The following ATP8A2 variants were observed in gnomAD, a reference collection of about 807,000 sequenced individuals.
The protein encoded by ATP8A2 is phospholipid-transporting ATPase IB.
In ATP8A2, 100 loss-of-function variants were observed where a neutral mutation model predicts 165.6. The ratio of observed to expected loss-of-function variants is 0.60; its 90% CI spans 0.51 to 0.71. The LOEUF (loss-of-function observed/expected upper bound fraction) is 0.71. ATP8A2 is among the 30% of genes least tolerant of loss of function. The probability of loss-of-function intolerance (pLI) is 0.00; values close to 1 mark genes in which losing one functional copy is unlikely to be tolerated. For missense variants in ATP8A2, 1,227 were observed against 1,479.5 expected (o/e 0.83, Z 2.80); for synonymous variants, 543 against 548.8 (o/e 0.99, Z 0.15).
intron 33 of ATP8A2, among the ~76,000 whole-genome samples, chr13:25,935,466 G>T (rs1318062578): frequency 6.6e-6 from 1 of 152,152 alleles, no homozygotes; most frequent in Non-Finnish European, 1.5e-5. Flanking sequence ...TGCTGTAAAG[G>T]AATACCTGAG....
intron 24 of ATP8A2, among the ~76,000 whole-genome samples, chr13:25,613,159 A>C (rs2040732414): frequency 6.6e-6 from 1 of 152,178 alleles, no homozygotes; most frequent in Admixed American, 6.5e-5. Flanking sequence ...TATTCTATTC[A>C]TCATGCTATT....
At chr13:25,764,953 G>T (rs1210209710) in intron 25 of ATP8A2, among the ~76,000 whole-genome samples, 1 of 152,122 alleles carries the variant, frequency 6.6e-6, no homozygotes, top group Non-Finnish European at 1.5e-5. Flanking sequence ...AGATGATATT[G>T]CAAGATCAGA....
At chr13:26,017,042 G>A (rs957400487) in intron 36 of ATP8A2, among the ~76,000 whole-genome samples, 2 of 152,170 alleles carry the variant, frequency 1.3e-5, no homozygotes, top group Non-Finnish European at 2.9e-5. Flanking sequence ...AGCCACTTGG[G>A]GCCACCAGAA....
intron 8 of ATP8A2, among the ~76,000 whole-genome samples, chr13:25,540,866 C>CT (rs553196713): frequency 0.043 from 6,128 of 143,264 alleles, 144 homozygotes; most frequent in Non-Finnish European, 0.053. Context: ...TTTTTTGGTT[C>CT]TTTTTTTTTT....
intron 26 of ATP8A2, among the ~76,000 whole-genome samples, chr13:25,772,333 T>G (rs572258398): frequency 6.6e-6 from 1 of 152,328 alleles, no homozygotes; most frequent in South Asian, 2.1e-4. Context: ...GTTGAGGCAT[T>G]CAGGATGACT....
chr13:25,508,437 A>AT (rs1717889442), intron 2 of ATP8A2, among the ~76,000 whole-genome samples: 1 of 152,248 alleles, frequency 6.6e-6, no homozygotes, highest in African/African-American at 2.4e-5. Context: ...GTAAATGCTC[A>AT]TCATAGAAGA....
At chr13:25,860,055 G>A (rs1170826030) in intron 30 of ATP8A2, 140 bp from the exon 31 acceptor site, 1 of 533,886 alleles carries the variant, frequency 1.9e-6, no homozygotes, top group Non-Finnish European at 3.4e-6. Context: ...AGAGAAGTAA[G>A]CATTAGAGTC....
At chr13:25,480,498 C>A (rs1181726823) in intron 2 of ATP8A2, among the ~76,000 whole-genome samples, 1 of 148,186 alleles carries the variant, frequency 6.7e-6, no homozygotes, top group Non-Finnish European at 1.5e-5. Context: ...CGGGCAGAGG[C>A]GCTCCTCACA....
chr13:26,012,587 T>C lies in ATP8A2; in HGVS notation c.3434T>C (p.Leu1145Pro). 1 of 1,526,548 alleles carries C rather than the reference T, an allele frequency of 6.6e-7. No individual in the cohort carries two copies. The highest frequency in any genetic ancestry group is 8.8e-7 in the Non-Finnish European group (1 of 1,136,994). The allele number at this position is 1,526,548 out of a possible 1,614,324, so 94.6% of individuals were successfully genotyped here. A position where few individuals can be genotyped will look rare whatever the true frequency, so the allele number is the denominator to read the frequency against. ...CTGGGCCGGAAGACGCCCCCGACGC[T>C]GTTCCGGGGCAGCTCCCTGCAGCAG... The part of the protein sequence containing the change: ...KRLGRKTPPT[L>P]FRGSSLQQGV... Residue 1145 changes from leucine to proline, a missense_variant, in exon 36 of 37, where the codon CTG (leucine) becomes CCG (proline). Transcript: ENST00000381655.
At chr13:25,450,564 C>G (rs552466988) in intron 1 of ATP8A2, among the ~76,000 whole-genome samples, 2 of 152,308 alleles carry the variant, frequency 1.3e-5, no homozygotes, top group East Asian at 3.9e-4. Context: ...CGGAGTCTCG[C>G]TCTGTCGCCC....
At chr13:25,937,803 G>GT (rs1566284756) in intron 33 of ATP8A2, among the ~76,000 whole-genome samples, 27 of 144,256 alleles carry the variant, frequency 1.9e-4, no homozygotes, top group Non-Finnish European at 3.5e-4. Context: ...GAGCCGAGAT[G>GT]GCAACACTGC....
At chr13:25,939,133 A>G (rs990022926) in intron 33 of ATP8A2, among the ~76,000 whole-genome samples, 3 of 152,004 alleles carry the variant, frequency 2.0e-5, no homozygotes, top group South Asian at 4.2e-4. Context: ...ATGAGCCACC[A>G]CGCCAGGCCT....
chr13:25,683,817 G>A (rs2042545077), intron 24 of ATP8A2, among the ~76,000 whole-genome samples: 1 of 152,024 alleles, frequency 6.6e-6, no homozygotes, highest in Non-Finnish European at 1.5e-5. Context: ...GTTAGGTGGG[G>A]ACAGGCACTT....
In ATP8A2 at chr13:25,772,736, AT is replaced by A. The variant is rs200095230; in HGVS notation, c.2569-2110del. On this transcript the variant is annotated intron_variant, in intron 26 of 36. Transcript: ENST00000381655. ...ATTGAGAGTTACATTTAATTAATTA[AT>A]TTATTTATTTATTTATTTATTTATT... Among the ~76,000 whole-genome samples the A allele has an allele frequency of 2.4e-4, 35 of 146,686 alleles. 1 individual carries two copies. The highest frequency in any genetic ancestry group is 6.4e-4 in the South Asian group (3 of 4,682).
At chr13:25,465,711 C>CTTTCTCT (rs2035630674) in intron 1 of ATP8A2, among the ~76,000 whole-genome samples, 3 of 21,380 alleles carry the variant, frequency 1.4e-4, no homozygotes. Flanking sequence ...TTCTTTCTTT[C>CTTTCTCT]TTTCTTTCTT....
At chr13:25,706,605 G>A (rs369852496) in intron 25 of ATP8A2, among the ~76,000 whole-genome samples, 3 of 152,278 alleles carry the variant, frequency 2.0e-5, no homozygotes, top group Non-Finnish European at 2.9e-5. Flanking sequence ...ACCACCAATT[G>A]TGTTTTAGTT....
intron 25 of ATP8A2, among the ~76,000 whole-genome samples, chr13:25,748,570 A>C (rs2044086154): frequency 6.6e-6 from 1 of 152,158 alleles, no homozygotes; most frequent in East Asian, 1.9e-4. Context: ...CTGCTTGTTT[A>C]ATTGTTTAGT....
Position 25,892,198 on chromosome 13 carries a change from T to C in ATP8A2, c.3183+29790T>C, listed in dbSNP as rs142122787. 9.5e-3 allele frequency among the ~76,000 whole-genome samples: 1,440 copies of C among 152,030 alleles called. 20 individuals are homozygous for C. The highest frequency in any genetic ancestry group is 0.033 in the African/African-American group (1,383 of 41,478). On this transcript the variant is annotated intron_variant, in intron 33 of 36. Transcript: ENST00000381655. ...TTCACTGTGTTAGCCAGGATGGTCT[T>C]GATCTCCTGACCTCATGATCCACCC... is the stretch of plus-strand genomic sequence containing the variant.
chr13:25,773,827 G>A (rs1322088104), intron 26 of ATP8A2, among the ~76,000 whole-genome samples: 1 of 152,074 alleles, frequency 6.6e-6, no homozygotes, highest in Non-Finnish European at 1.5e-5. Context: ...GTGTGTGTCT[G>A]CCTGTATGTG....
Sources: gnomAD v4.1 joint callset for allele counts (sites outside exome capture counted in the v4.1 genomes callset) on GRCh38, gnomAD v4.1.1 for gene constraint, MANE v1.5 for transcripts, NCBI Gene and HGNC (gene_info 2026-07-23, HGNC 2026-07-21) for gene names.